GPC6: variants seen among roughly 807,000 people sequenced by gnomAD.
GPC6 encodes the protein glypican-6.
A neutral mutation model predicts 55.2 loss-of-function variants in GPC6; 14 were observed. The ratio of observed to expected loss-of-function variants is 0.25; its 90% CI spans 0.17 to 0.40. The LOEUF (loss-of-function observed/expected upper bound fraction) is 0.40. Ranked by LOEUF, GPC6 falls within the 10% of genes least tolerant of loss-of-function variation. The pLI is 1.00. For synonymous variants in GPC6, 278 were observed against 259.6 expected (o/e 1.07, Z -0.68); for missense variants, 641 against 708.5 (o/e 0.90, Z 1.08).
At chr13:94,330,131 G>A (rs549710134) in intron 6 of GPC6, among the ~76,000 whole-genome samples, 7 of 152,314 alleles carry the variant, frequency 4.6e-5, no homozygotes, top group South Asian at 2.1e-4. Flanking sequence ...CCCTGCATAA[G>A]TTTAATCCCA....
intron 1 of GPC6, among the ~76,000 whole-genome samples, chr13:93,340,121 C>T (rs1303295420): frequency 6.7e-6 from 1 of 148,394 alleles, no homozygotes; most frequent in Non-Finnish European, 1.5e-5. Flanking sequence ...CTGCAAGCTC[C>T]GCTGCCAGGT....
intron 2 of GPC6, among the ~76,000 whole-genome samples, chr13:93,742,614 T>C (rs1163808746): frequency 1.3e-5 from 2 of 152,130 alleles, no homozygotes; most frequent in Non-Finnish European, 1.5e-5. Flanking sequence ...TGTGGGGATA[T>C]CAATGGAGAG....
At chr13:93,908,227 C>A (rs1876776224) in intron 3 of GPC6, among the ~76,000 whole-genome samples, 1 of 152,036 alleles carries the variant, frequency 6.6e-6, no homozygotes, top group Non-Finnish European at 1.5e-5. Context: ...ACAGTTCAAC[C>A]AATAACTCAG....
rs114157869 is a variant in GPC6 at position 93,862,696 on chromosome 13, A to G, written c.711+32151A>G. 6.7e-3 allele frequency among the ~76,000 whole-genome samples: 1,020 copies of G among 151,810 alleles called. 15 individuals are homozygous for G. The highest frequency in any genetic ancestry group is 0.024 in the African/African-American group (979 of 41,490). On this transcript the variant is annotated intron_variant, in intron 3 of 8. Transcript: ENST00000377047. ...GACAAGTGGGATTAGTTGCCACTGTATATAAAGGAGCAAATCCCATCAGGA... is the reference window on the plus strand; with the variant it reads ...GACAAGTGGGATTAGTTGCCACTGTGTATAAAGGAGCAAATCCCATCAGGA...
At chr13:93,502,681 T>C (rs1880565480) in intron 1 of GPC6, among the ~76,000 whole-genome samples, 1 of 152,150 alleles carries the variant, frequency 6.6e-6, no homozygotes, top group African/African-American at 2.4e-5. Flanking sequence ...TAGTATGTTA[T>C]AACGTTTTTC....
rs79896778 is a variant in GPC6, at chr13:93,379,045, A to G, written c.160+151429A>G. On this transcript the variant is annotated intron_variant, in intron 1 of 8. Transcript: ENST00000377047. ...GGAAGAAAAAAATAGTTTATAATAT[A>G]CTTATACAATAAATTATACAGCTCA... 3.0e-3 allele frequency among the ~76,000 whole-genome samples: 450 copies of G among 152,124 alleles called. 1 individual carries two copies. Among genetic ancestry groups the G allele is most frequent in the African/African-American group, 0.01 (429 of 41,524 alleles).
At chr13:93,218,587 T>C in the GPC6 span, among the ~76,000 whole-genome samples, 81 of 152,324 alleles carry the variant, frequency 5.3e-4, no homozygotes, top group African/African-American at 1.9e-3. Context: ...ATGTGGAAGA[T>C]GGAAGTATGT....
intron 4 of GPC6, among the ~76,000 whole-genome samples, chr13:94,125,584 G>A (rs1205393753): frequency 2.0e-5 from 3 of 152,004 alleles, no homozygotes; most frequent in South Asian, 2.1e-4. Flanking sequence ...CTTCCTGATC[G>A]TGTTCACAGC....
intron 4 of GPC6, among the ~76,000 whole-genome samples, chr13:94,133,267 C>CAAAA (rs66499161): frequency 1.8e-4 from 15 of 85,082 alleles, no homozygotes; most frequent in African/African-American, 4.0e-4. Flanking sequence ...TGACCAGTGA[C>CAAAA]AAAAAAAAAA....
intron 2 of GPC6, among the ~76,000 whole-genome samples, chr13:93,605,201 T>A (rs918607086): frequency 6.6e-6 from 1 of 152,188 alleles, no homozygotes; most frequent in Non-Finnish European, 1.5e-5. Context: ...ATTAACCTGC[T>A]TCTCTAATAA....
At chr13:94,157,265 G>A (rs1039226939) in intron 4 of GPC6, among the ~76,000 whole-genome samples, 3 of 152,150 alleles carry the variant, frequency 2.0e-5, no homozygotes, top group Admixed American at 1.3e-4. Flanking sequence ...CTGTAAAACT[G>A]TTATTATAAT....
At chr13:93,246,692 G>A (rs1454643953) in intron 1 of GPC6, among the ~76,000 whole-genome samples, 1 of 150,596 alleles carries the variant, frequency 6.6e-6, no homozygotes, top group African/African-American at 2.4e-5. Flanking sequence ...CAGCTACTAG[G>A]GAGGTTGAGG....
chr13:93,606,274 GA>G (rs1878233398), intron 2 of GPC6, among the ~76,000 whole-genome samples: 1 of 152,136 alleles, frequency 6.6e-6, no homozygotes, highest in African/African-American at 2.4e-5. Context: ...GACTTTCAAT[GA>G]AAATTTTTAT....
intron 4 of GPC6, among the ~76,000 whole-genome samples, chr13:94,097,876 A>G (rs1036823016): frequency 6.6e-6 from 1 of 152,220 alleles, no homozygotes; most frequent in Non-Finnish European, 1.5e-5. Flanking sequence ...CCTATTGACT[A>G]CTACAACCAT....
chr13:94,036,364 A>T (rs1440130774), intron 4 of GPC6, among the ~76,000 whole-genome samples: 3 of 152,092 alleles, frequency 2.0e-5, no homozygotes, highest in Non-Finnish European at 4.4e-5. Flanking sequence ...CTACGCTAAG[A>T]ATTTCCTTTA....
intron 2 of GPC6, among the ~76,000 whole-genome samples, chr13:93,824,252 A>T (rs904655017): frequency 6.6e-6 from 1 of 152,260 alleles, no homozygotes; most frequent in Non-Finnish European, 1.5e-5. Flanking sequence ...ATAGTCTTGC[A>T]TATTAAAAAC....
At chr13:94,110,254 G>T (rs1886195285) in intron 4 of GPC6, among the ~76,000 whole-genome samples, 1 of 151,874 alleles carries the variant, frequency 6.6e-6, no homozygotes, top group African/African-American at 2.4e-5. Flanking sequence ...TTGTCAAGGA[G>T]TAGTGGAAGA....
At chr13:94,196,333 C>T (rs748790150) in intron 4 of GPC6, among the ~76,000 whole-genome samples, 14 of 151,964 alleles carry the variant, frequency 9.2e-5, no homozygotes, top group Non-Finnish European at 1.8e-4. Context: ...AAGCCATCCT[C>T]CTTTTGAAAA....
At chr13:93,627,830 A>G (rs1879267548) in intron 2 of GPC6, among the ~76,000 whole-genome samples, 1 of 152,198 alleles carries the variant, frequency 6.6e-6, no homozygotes, top group Non-Finnish European at 1.5e-5. Context: ...TTCAGAATGC[A>G]TATTTAATGT....
Sources: allele counts gnomAD v4.1 joint callset (sites outside exome capture counted in the v4.1 genomes callset), GRCh38; gene constraint gnomAD v4.1.1; transcripts MANE v1.5; gene names NCBI Gene and HGNC (gene_info 2026-07-23, HGNC 2026-07-21).